ANKS1B: variants seen among roughly 807,000 people sequenced by gnomAD.
ANKS1B encodes the protein ankyrin repeat and sterile alpha motif domain-containing protein 1B.
In ANKS1B, 36 loss-of-function variants were observed where a neutral mutation model predicts 148.3. The observed-to-expected ratio is 0.24, with a 90% CI of 0.19 to 0.32. The LOEUF (loss-of-function observed/expected upper bound fraction) is 0.32. Among genes scored for constraint, ANKS1B ranks in the 10% least tolerant of loss-of-function variants. The pLI, the probability that ANKS1B is intolerant of heterozygous loss-of-function variation, is 1.00. For missense variants in ANKS1B, 1,157 were observed against 1,542.6 expected, an observed-to-expected ratio of 0.75 and a Z score of 4.19; for synonymous variants, 542 against 560.8, an observed-to-expected ratio of 0.97 and a Z score of 0.47.
At chr12:98,978,317 C>G (rs1387467622) in intron 17 of ANKS1B, among the ~76,000 whole-genome samples, 1 of 151,882 alleles carries the variant, frequency 6.6e-6, no homozygotes, top group Admixed American at 6.6e-5. Flanking sequence ...GTTATACCTC[C>G]TTTTAAATTT....
At chr12:99,348,732 C>T (rs1233931958) in intron 12 of ANKS1B, among the ~76,000 whole-genome samples, 1 of 151,784 alleles carries the variant, frequency 6.6e-6, no homozygotes, top group Non-Finnish European at 1.5e-5. Flanking sequence ...TAGACATTCA[C>T]AAATAAACAA....
At chr12:99,868,824 G>A (rs960214758) in intron 1 of ANKS1B, among the ~76,000 whole-genome samples, 1 of 152,046 alleles carries the variant, frequency 6.6e-6, no homozygotes, top group African/African-American at 2.4e-5. Context: ...TTGGGAGGCC[G>A]AGGCGGGCAG....
At chr12:99,520,171 G>T (rs1407361555) in intron 9 of ANKS1B, among the ~76,000 whole-genome samples, 1 of 151,964 alleles carries the variant, frequency 6.6e-6, no homozygotes, top group Non-Finnish European at 1.5e-5. Context: ...AGTAACTTTT[G>T]TACCTATAGA....
chr12:99,868,440 A>G (rs2091039603), intron 1 of ANKS1B, among the ~76,000 whole-genome samples: 1 of 152,214 alleles, frequency 6.6e-6, no homozygotes, highest in Non-Finnish European at 1.5e-5. Flanking sequence ...GCATGCCACT[A>G]ACACCATTGT....
intron 8 of ANKS1B, among the ~76,000 whole-genome samples, chr12:99,722,164 G>A (rs1345635054): frequency 6.6e-6 from 1 of 152,236 alleles, no homozygotes; most frequent in Non-Finnish European, 1.5e-5. Flanking sequence ...TGGAGAAGCT[G>A]TAGCAAGTTA....
intron 19 of ANKS1B, among the ~76,000 whole-genome samples, chr12:98,826,332 C>T (rs977236665): frequency 6.6e-6 from 1 of 151,964 alleles, no homozygotes; most frequent in African/African-American, 2.4e-5. Context: ...CAATTAAACC[C>T]CATTCTAGTG....
intron 12 of ANKS1B, among the ~76,000 whole-genome samples, chr12:99,258,143 G>T (rs187894577): frequency 6.6e-6 from 1 of 152,042 alleles, no homozygotes; most frequent in East Asian, 1.9e-4. Context: ...AGTTTTTAAC[G>T]TGACTCTTTA....
At chr12:99,149,326 G>A (rs1413366910) in intron 15 of ANKS1B, among the ~76,000 whole-genome samples, 1 of 152,096 alleles carries the variant, frequency 6.6e-6, no homozygotes, top group Non-Finnish European at 1.5e-5. Context: ...ATGCGCAAAT[G>A]TTTTGTTGAA....
Position 98,744,101 on chromosome 12 carries a change from C to CT in ANKS1B, c.*1637dup, listed in dbSNP as rs1157558226. On this transcript the variant is annotated 3_prime_UTR_variant, in exon 27 of 27. Transcript: ENST00000683438. ...ATATGCTTCTGTTTCAGCAAAGCTC[C>CT]TATTAACTTTGCTCCTATACAATTG... 1 of 984,740 alleles carries CT rather than the reference C, an allele frequency of 1.0e-6. No individual in the cohort carries two copies. The highest frequency in any genetic ancestry group is 1.2e-6 in the Non-Finnish European group (1 of 829,062). The allele number at this position is 984,740 out of a possible 1,614,324, so 61.0% of individuals were successfully genotyped here.
chr12:98,802,421 C>T (rs1389207592), intron 20 of ANKS1B, among the ~76,000 whole-genome samples: 2 of 152,056 alleles, frequency 1.3e-5, no homozygotes, highest in Admixed American at 1.3e-4. Flanking sequence ...TCTAGAAACT[C>T]CAAAAGATTA....
chr12:99,666,044 A>T (rs930279554), intron 8 of ANKS1B, among the ~76,000 whole-genome samples: 17 of 152,298 alleles, frequency 1.1e-4, no homozygotes, highest in African/African-American at 4.1e-4. Context: ...ATATAAGTAG[A>T]AGTAGTCAGC....
chr12:99,061,472 C>A (rs1394772749), intron 16 of ANKS1B, among the ~76,000 whole-genome samples: 1 of 152,212 alleles, frequency 6.6e-6, no homozygotes, highest in Non-Finnish European at 1.5e-5. Flanking sequence ...TTCTAACCAG[C>A]TTCCTGGTGA....
At chr12:99,336,959 T>C (rs2089014211) in intron 12 of ANKS1B, among the ~76,000 whole-genome samples, 1 of 152,118 alleles carries the variant, frequency 6.6e-6, no homozygotes, top group Admixed American at 6.6e-5. Context: ...CTTTGGGAGT[T>C]TGGTTATTAA....
At chr12:99,205,003 A>T (rs929410944) in intron 14 of ANKS1B, among the ~76,000 whole-genome samples, 1 of 152,182 alleles carries the variant, frequency 6.6e-6, no homozygotes, top group African/African-American at 2.4e-5. Flanking sequence ...TATTTTAATC[A>T]GTGTTAAAGA....
intron 1 of ANKS1B, among the ~76,000 whole-genome samples, chr12:99,966,126 C>T (rs2095481387): frequency 6.6e-6 from 1 of 152,136 alleles, no homozygotes; most frequent in African/African-American, 2.4e-5. Context: ...TGATTTTGAA[C>T]TTAATCCCAA....
rs185035975 is a variant in ANKS1B, at chr12:99,203,457, T to C, written c.2419+40885A>G. Among the ~76,000 whole-genome samples the C allele has an allele frequency of 4.9e-3, 748 of 151,674 alleles. 12 individuals are homozygous for C. The highest frequency in any genetic ancestry group is 0.017 in the African/African-American group (701 of 41,422). ...TCTGTTAAGACCTGCTTCTTTCTTT[T>C]TTTTTTTTTTTGAGACGGAGTCTCA... On this transcript the variant is annotated intron_variant, in intron 14 of 26. Transcript: ENST00000683438.
At chr12:98,876,332 C>T (rs1173955328) in intron 17 of ANKS1B, among the ~76,000 whole-genome samples, 1 of 152,194 alleles carries the variant, frequency 6.6e-6, no homozygotes, top group Admixed American at 6.5e-5. Context: ...TGGTGAATTC[C>T]TGATCATCCT....
chr12:98,895,826 G>C (rs370294564), intron 17 of ANKS1B, among the ~76,000 whole-genome samples: 2 of 152,170 alleles, frequency 1.3e-5, no homozygotes, highest in East Asian at 3.8e-4. Flanking sequence ...CAAAAATTAT[G>C]CCAATTAAAT....
At chr12:99,931,924 C>A (rs1448500698) in intron 1 of ANKS1B, among the ~76,000 whole-genome samples, 1 of 152,084 alleles carries the variant, frequency 6.6e-6, no homozygotes, top group Non-Finnish European at 1.5e-5. Flanking sequence ...CTGCCCTACT[C>A]CCCTTCCCAG....
Sources: gnomAD v4.1 joint callset for allele counts (sites outside exome capture counted in the v4.1 genomes callset) on GRCh38, gnomAD v4.1.1 for gene constraint, MANE v1.5 for transcripts, NCBI Gene and HGNC (gene_info 2026-07-23, HGNC 2026-07-21) for gene names.